Variants in GAN observed in about 807,000 individuals in gnomAD.
GAN encodes gigaxonin.
In GAN, 48 loss-of-function variants were observed where a neutral mutation model predicts 71.3. The ratio of observed to expected loss-of-function variants is 0.67; its 90% CI spans 0.53 to 0.86. The LOEUF (loss-of-function observed/expected upper bound fraction) is 0.86, where lower values mean the gene tolerates loss of function less well. GAN is among the 40% of genes least tolerant of loss of function. The pLI, the probability that GAN is intolerant of heterozygous loss-of-function variation, is 0.00. For missense variants in GAN, 928 were observed against 770.1 expected (o/e 1.21, Z -2.43); for synonymous variants, 386 against 276.8 (o/e 1.39, Z -3.92).
rs945360557 is a variant in GAN at position 81,315,010 on chromosome 16, G to T, written c.-104G>T. ...GGCTCCAGCTTCTGCTCAGAGCGCGGAGAGCCGGGCCGGGCGGGCGCGCGC... is the reference window on the plus strand; with the variant it reads ...GGCTCCAGCTTCTGCTCAGAGCGCGTAGAGCCGGGCCGGGCGGGCGCGCGC... On this transcript the variant is annotated 5_prime_UTR_variant, in exon 1 of 11. Transcript: ENST00000648994. 5 of 999,140 alleles carry T rather than the reference G, an allele frequency of 5.0e-6. No individual in the cohort carries two copies. Among genetic ancestry groups the T allele is most frequent in the Non-Finnish European group, 6.7e-6 (5 of 744,886 alleles). The allele number at this position is 999,140 out of a possible 1,614,324, so 61.9% of individuals were successfully genotyped here. A position where few individuals can be genotyped will look rare whatever the true frequency, so the allele number is the denominator to read the frequency against.
chr16:81,366,759 C>T (rs1012616968), intron 9 of GAN, among the ~76,000 whole-genome samples: 4 of 152,134 alleles, frequency 2.6e-5, no homozygotes, highest in African/African-American at 9.7e-5. Flanking sequence ...TTTCAGACTT[C>T]TCTACATTTT....
chr16:81,378,578 A>C lies in GAN; in HGVS notation c.*982A>C, dbSNP rs934251446. 2.0e-5 allele frequency: 3 copies of C among 152,610 alleles called. No individual in the cohort carries two copies. Among genetic ancestry groups the C allele is most frequent in the South Asian group, 2.1e-4 (1 of 4,830 alleles). The allele number at this position is 152,610 out of a possible 1,614,324, so 9.5% of individuals were successfully genotyped here. On this transcript the variant is annotated 3_prime_UTR_variant, in exon 11 of 11. Transcript: ENST00000648994. Reference sequence around the variant, plus strand: ...CATATAACCTGTCTGAAAGCACACAAAGTCTTGTTTACTACTGTTTAGGGT... The same window carrying C: ...CATATAACCTGTCTGAAAGCACACACAGTCTTGTTTACTACTGTTTAGGGT...
chr16:81,368,337 A>G (rs1397597946), intron 9 of GAN, among the ~76,000 whole-genome samples: 2 of 152,202 alleles, frequency 1.3e-5, no homozygotes, highest in African/African-American at 4.8e-5. Flanking sequence ...AGTGGCTGAC[A>G]CCTATAATCC....
rs925361353 is a variant in GAN, at chr16:81,386,316, A to G, written c.*8720A>G. On this transcript the variant is annotated 3_prime_UTR_variant, in exon 11 of 11. Transcript: ENST00000648994. Reference sequence around the variant, plus strand: ...GTCAAAGAAACGAGATAATTCCTAGATCTCTGTTTTAGACCAGTAGACCTA... The same window carrying G: ...GTCAAAGAAACGAGATAATTCCTAGGTCTCTGTTTTAGACCAGTAGACCTA... The G allele has an allele frequency of 1.2e-4, 18 of 152,278 alleles. No homozygotes were observed. Among genetic ancestry groups the G allele is most frequent in the Admixed American group, 7.2e-4 (11 of 15,298 alleles). 9.4% of individuals were successfully genotyped at this position (152,278 alleles called of 1,614,324 possible).
intron 1 of GAN, among the ~76,000 whole-genome samples, chr16:81,341,708 T>A (rs1274575437): frequency 6.6e-6 from 1 of 152,134 alleles, no homozygotes; most frequent in Admixed American, 6.5e-5. Context: ...ATCGATGCTG[T>A]GAAGTAACTG....
At chr16:81,345,111 G>C (rs1277738089) in intron 1 of GAN, among the ~76,000 whole-genome samples, 1 of 152,178 alleles carries the variant, frequency 6.6e-6, no homozygotes, top group Non-Finnish European at 1.5e-5. Context: ...ACCGATGCTG[G>C]ACAAGTTGTG....
chr16:81,337,470 C>T (rs1255317127), intron 1 of GAN, among the ~76,000 whole-genome samples: 1 of 152,198 alleles, frequency 6.6e-6, no homozygotes, highest in African/African-American at 2.4e-5. Context: ...ACTGTTATGT[C>T]AAGCCCCATT....
rs183135738 is a variant in GAN, at chr16:81,338,538, G to A, written c.168-13045G>A. Among the ~76,000 whole-genome samples the A allele has an allele frequency of 1.1e-3, 164 of 152,264 alleles. 1 individual carries two copies. The highest frequency in any genetic ancestry group is 6.8e-3 in the Middle Eastern group (2 of 294). ...ATGAGAAAATTCTAGATAAAAAAGGGAAATCTAAGGCGAAAATGTTTTGGT... is the reference window on the plus strand; with the variant it reads ...ATGAGAAAATTCTAGATAAAAAAGGAAAATCTAAGGCGAAAATGTTTTGGT... On this transcript the variant is annotated intron_variant, in intron 1 of 10. Transcript: ENST00000648994.
At position 81,355,091 on chromosome 16, in the gene GAN, C is replaced by G. The variant is rs537997976; in HGVS notation, c.633+336C>G. 1.3e-4 allele frequency among the ~76,000 whole-genome samples: 20 copies of G among 152,312 alleles called. No individual in the cohort carries two copies. The South Asian group carries it at 1.5e-3, about 11-fold the overall frequency. ...CCCTTGCTCTCAGCATCCTGACCTA[C>G]TATATCACTAGGCTAACCTCTGCCA... On this transcript the variant is annotated intron_variant, in intron 3 of 10. Transcript: ENST00000648994.
At chr16:81,326,529 G>A (rs1327461676) in intron 1 of GAN, among the ~76,000 whole-genome samples, 4 of 151,880 alleles carry the variant, frequency 2.6e-5, no homozygotes, top group Non-Finnish European at 5.9e-5. Flanking sequence ...GTGAAACTCC[G>A]TCTCAAAAAA....
At chr16:81,364,058 T>G (rs1910766720) in intron 7 of GAN, 115 bp downstream of exon 7, 1 of 867,724 alleles carries the variant, frequency 1.2e-6, no homozygotes. Context: ...AAGAATTAAC[T>G]TTATAGAACT....
intron 9 of GAN, among the ~76,000 whole-genome samples, chr16:81,370,638 C>T (rs994739280): frequency 3.9e-4 from 59 of 152,224 alleles, no homozygotes; most frequent in African/African-American, 1.4e-3. Context: ...CCCCTGGTCT[C>T]CTGCATGCTG....
intron 5 of GAN, among the ~76,000 whole-genome samples, chr16:81,361,240 C>A (rs538959310): frequency 6.1e-4 from 92 of 151,248 alleles, no homozygotes; most frequent in East Asian, 1.6e-3. Context: ...CAAAAAAAAT[C>A]AAAAAAAAAT....
intron 1 of GAN, among the ~76,000 whole-genome samples, chr16:81,336,836 A>G (rs1220845379): frequency 6.6e-6 from 1 of 152,070 alleles, no homozygotes; most frequent in Non-Finnish European, 1.5e-5. Flanking sequence ...GTACAAATAT[A>G]TCCCCTTTCC....
chr16:81,376,599 ATATT>A (rs1380824236), intron 9 of GAN, among the ~76,000 whole-genome samples: 2 of 150,700 alleles, frequency 1.3e-5, no homozygotes, highest in Admixed American at 6.6e-5. Flanking sequence ...GTATAAGTAT[ATATT>A]ATATGTATGT....
chr16:81,382,439 A>T lies in GAN; in HGVS notation c.*4843A>T, dbSNP rs867835715. ...TAGGAAGGTTAAGAATTTATTTACTAAGGTCGTAAGAACAGAAGAAAGTTT... is the reference window on the plus strand; with the variant it reads ...TAGGAAGGTTAAGAATTTATTTACTTAGGTCGTAAGAACAGAAGAAAGTTT... On this transcript the variant is annotated 3_prime_UTR_variant, in exon 11 of 11. Transcript: ENST00000648994. The T allele has an allele frequency of 1.3e-5, 2 of 152,244 alleles. No homozygotes were observed. Among genetic ancestry groups the T allele is most frequent in the African/African-American group, 4.8e-5 (2 of 41,462 alleles). 9.4% of individuals were successfully genotyped at this position (152,244 alleles called of 1,614,324 possible).
At chr16:81,362,054 G>A (rs1414325655) in intron 5 of GAN, among the ~76,000 whole-genome samples, 5 of 152,130 alleles carry the variant, frequency 3.3e-5, no homozygotes, top group Non-Finnish European at 7.4e-5. Context: ...ACATGAAATC[G>A]GAAGTTCAGT....
intron 2 of GAN, 54 bp downstream of exon 2, chr16:81,351,751 G>A (rs1910307821): frequency 1.2e-6 from 1 of 829,008 alleles, no homozygotes; most frequent in Non-Finnish European, 2.2e-6. Flanking sequence ...TCAAGCTCAG[G>A]GTGAGGGTCT....
In GAN at chr16:81,322,622, T is replaced by C. The variant is rs190115457; in HGVS notation, c.167+7342T>C. 3.1e-3 allele frequency among the ~76,000 whole-genome samples: 468 copies of C among 152,378 alleles called. 4 individuals carry two copies. Among genetic ancestry groups the C allele is most frequent in the Non-Finnish European group, 2.2e-3 (153 of 68,034 alleles). Reference sequence around the variant, plus strand: ...GTTCTCTCAACTACAAAGTTGTTTATGTTTTTAAGAACAATTTTAAAGACC... The same window carrying C: ...GTTCTCTCAACTACAAAGTTGTTTACGTTTTTAAGAACAATTTTAAAGACC... On this transcript the variant is annotated intron_variant, in intron 1 of 10. Transcript: ENST00000648994.
Sources: allele counts gnomAD v4.1 joint callset (sites outside exome capture counted in the v4.1 genomes callset), GRCh38; gene constraint gnomAD v4.1.1; transcripts MANE v1.5; gene names NCBI Gene and HGNC (gene_info 2026-07-23, HGNC 2026-07-21).